Variants in SOS1 observed in about 807,000 individuals in gnomAD.
The protein encoded by SOS1 is son of sevenless homolog 1.
A neutral mutation model predicts 157.6 loss-of-function variants in SOS1; 25 were observed. The observed-to-expected ratio is 0.16, with a 90% CI of 0.12 to 0.22. The LOEUF is 0.22. SOS1 is among the 10% of genes least tolerant of loss of function. The probability of loss-of-function intolerance (pLI) is 1.00; values close to 1 mark genes in which losing one functional copy is unlikely to be tolerated. For missense variants in SOS1, 1,237 were observed against 1,599.1 expected, an observed-to-expected ratio of 0.77 and a Z score of 3.86; for synonymous variants, 528 against 534.0, an observed-to-expected ratio of 0.99 and a Z score of 0.16.
chr2:39,109,907 G>A (rs1188727734), intron 1 of SOS1, among the ~76,000 whole-genome samples: 2 of 152,158 alleles, frequency 1.3e-5, no homozygotes, highest in Middle Eastern at 3.4e-3. Context: ...GCTTTTAAAA[G>A]AACAAAATTG....
intron 1 of SOS1, among the ~76,000 whole-genome samples, chr2:39,115,756 G>A (rs909567385): frequency 3.3e-5 from 5 of 152,084 alleles, no homozygotes; most frequent in Admixed American, 2.6e-4. Flanking sequence ...CCTTTTTATT[G>A]CTGAGTAGTA....
At chr2:39,008,556 CAGAGT>C (rs1669355220) in intron 15 of SOS1, among the ~76,000 whole-genome samples, 1 of 152,140 alleles carries the variant, frequency 6.6e-6, no homozygotes, top group South Asian at 2.1e-4. Flanking sequence ...AGACTGTAGG[CAGAGT>C]AGTTTGCAGG....
At chr2:39,062,829 T>C (rs1467942018) in intron 2 of SOS1, among the ~76,000 whole-genome samples, 1 of 151,988 alleles carries the variant, frequency 6.6e-6, no homozygotes, top group African/African-American at 2.4e-5. Context: ...CTTTTGCCTC[T>C]ATTTTTTCAA....
chr2:39,047,395 G>C (rs1670828152), intron 6 of SOS1, among the ~76,000 whole-genome samples: 1 of 152,080 alleles, frequency 6.6e-6, no homozygotes, highest in Non-Finnish European at 1.5e-5. Context: ...AAAATGCTGG[G>C]TCACAGGGTA....
At chr2:39,096,757 G>A (rs1271741384) in intron 1 of SOS1, among the ~76,000 whole-genome samples, 1 of 151,976 alleles carries the variant, frequency 6.6e-6, no homozygotes, top group East Asian at 1.9e-4. Flanking sequence ...GTGGTGGCGG[G>A]CGCCTGTAGT....
chr2:39,047,487 AAGT>A (rs1393467055), intron 6 of SOS1, among the ~76,000 whole-genome samples: 1 of 152,206 alleles, frequency 6.6e-6, no homozygotes, highest in Non-Finnish European at 1.5e-5. Flanking sequence ...CCCCACCAGC[AAGT>A]AGACTTCCAA....
At chr2:39,092,349 C>T (rs1672626522) in intron 1 of SOS1, among the ~76,000 whole-genome samples, 1 of 152,214 alleles carries the variant, frequency 6.6e-6, no homozygotes, top group South Asian at 2.1e-4. Context: ...CACTAACTAC[C>T]CTCTTCTAGG....
upstream of SOS1, among the ~76,000 whole-genome samples, chr2:39,121,990 A>G (rs1673907909): frequency 6.6e-6 from 1 of 152,242 alleles, no homozygotes; most frequent in South Asian, 2.1e-4. Flanking sequence ...TAGAGGAACT[A>G]GCCTGGGTTA....
intron 2 of SOS1, among the ~76,000 whole-genome samples, chr2:39,061,210 T>C (rs947644894): frequency 7.9e-6 from 1 of 126,552 alleles, no homozygotes; most frequent in African/African-American, 3.1e-5. Context: ...TAGGAGACAA[T>C]GTCAAGGGTC....
At chr2:39,000,925 G>A (rs1354199537) in intron 17 of SOS1, among the ~76,000 whole-genome samples, 1 of 152,188 alleles carries the variant, frequency 6.6e-6, no homozygotes, top group East Asian at 1.9e-4. Context: ...AGCAAGAATG[G>A]AGACAAGGCA....
chr2:39,035,572 C>T lies in SOS1; in HGVS notation c.865-72G>A, dbSNP rs955544349. The T allele has an allele frequency of 6.6e-6, 7 of 1,062,142 alleles. No individual in the cohort carries two copies. In the East Asian group the frequency reaches 7.4e-5, roughly 11 times the overall value. 65.8% of individuals were successfully genotyped at this position (1,062,142 alleles called of 1,614,324 possible). ...CACAGAAAGATTTAATTATGGGGCACGACTATGCGAGCACAATTATGTATG... is the reference window on the plus strand; with the variant it reads ...CACAGAAAGATTTAATTATGGGGCATGACTATGCGAGCACAATTATGTATG... On this transcript the variant is annotated intron_variant, in intron 6 of 22. Transcript: ENST00000402219.
intron 1 of SOS1, 62 bp downstream of exon 1, chr2:39,120,274 C>T: frequency 6.8e-7 from 1 of 1,466,686 alleles, no homozygotes; most frequent in South Asian, 1.2e-5. Context: ...CCTCCCCAGC[C>T]CTTCCCCAGC....
intron 1 of SOS1, 76 bp from the exon 2 acceptor site, chr2:39,067,829 G>T: frequency 7.1e-7 from 1 of 1,405,742 alleles, no homozygotes; most frequent in South Asian, 1.2e-5. Context: ...TAAAAAATGT[G>T]GGTTTGTGGC....
At chr2:39,020,767 T>TTAAAC (rs1669771351) in intron 10 of SOS1, among the ~76,000 whole-genome samples, 1 of 151,806 alleles carries the variant, frequency 6.6e-6, no homozygotes, top group Non-Finnish European at 1.5e-5. Flanking sequence ...AAGCTAACAG[T>TTAAAC]TAACACTAAT....
intron 1 of SOS1, among the ~76,000 whole-genome samples, chr2:39,074,534 C>G (rs1671899192): frequency 6.6e-6 from 1 of 151,796 alleles, no homozygotes; most frequent in Non-Finnish European, 1.5e-5. Flanking sequence ...TCAAACAAAT[C>G]AGAGCACTTA....
At position 38,995,256 on chromosome 2, in the gene SOS1, A is replaced by G; in HGVS notation, c.3213T>C (p.Ser1071=). ...GTGCAGATGCTGTACTTTCTGTTTC[A>G]CTTTCAGGGATCCTACTATAACTAA... ...RKISYSRIPE[S]ETESTASAPN... The change falls in exon 20 of 23, where the codon AGT becomes AGC. Residue 1071 remains serine (S), a synonymous_variant. Transcript: ENST00000402219. 6.2e-7 allele frequency: 1 copy of G among 1,614,026 alleles called. No individual in the cohort carries two copies. Among genetic ancestry groups the G allele is most frequent in the East Asian group, 2.2e-5 (1 of 44,874 alleles).
In SOS1 at chr2:39,015,245, A is replaced by G. The variant is rs112020208; in HGVS notation, c.1859-399T>C. On this transcript the variant is annotated intron_variant, in intron 10 of 22. Transcript: ENST00000402219. ...GCAATAACCCATTACTTTTCCTTAC[A>G]TCAAGATGAGTTTATCTAGGATGAC... 1.0e-3 allele frequency among the ~76,000 whole-genome samples: 152 copies of G among 151,936 alleles called. 2 individuals carry two copies. The highest frequency in any genetic ancestry group is 3.5e-3 in the African/African-American group (146 of 41,464).
At chr2:39,003,594 A>C (rs1008047139) in intron 17 of SOS1, among the ~76,000 whole-genome samples, 2 of 152,258 alleles carry the variant, frequency 1.3e-5, no homozygotes, top group Admixed American at 6.5e-5. Context: ...AACTTAATGA[A>C]TACCATTCAA....
At chr2:39,123,087 T>C (rs960841178), upstream of SOS1, among the ~76,000 whole-genome samples, 3 of 152,114 alleles carry the variant, frequency 2.0e-5, no homozygotes, top group Admixed American at 2.0e-4. Context: ...TAGCCTTCTG[T>C]CTATTCCTAG....
Sources: gnomAD v4.1 joint callset for allele counts (sites outside exome capture counted in the v4.1 genomes callset) on GRCh38, gnomAD v4.1.1 for gene constraint, MANE v1.5 for transcripts, NCBI Gene and HGNC (gene_info 2026-07-23, HGNC 2026-07-21) for gene names.